The following NTM variants were observed in gnomAD, a reference collection of about 807,000 sequenced individuals.
NTM encodes IgLON family member 2.
NTM carries 13 observed loss-of-function variants against 42.1 expected under a neutral mutation model. That is an observed-to-expected ratio of 0.31 (90% CI 0.20 to 0.49). NTM has a LOEUF of 0.49. NTM is among the 20% of genes least tolerant of loss of function. The pLI is 0.99. For synonymous variants in NTM, 187 were observed against 179.2 expected (o/e 1.04, Z -0.35); for missense variants, 373 against 452.8 (o/e 0.82, Z 1.60).
intron 2 of NTM, among the ~76,000 whole-genome samples, chr11:132,049,373 C>A (rs2078515424): frequency 6.6e-6 from 1 of 152,150 alleles, no homozygotes; most frequent in South Asian, 2.1e-4. Context: ...ATGGGGCTGG[C>A]CGCACCTGAG....
At chr11:131,658,557 A>G (rs2067513406) in intron 1 of NTM, among the ~76,000 whole-genome samples, 1 of 152,208 alleles carries the variant, frequency 6.6e-6, no homozygotes, top group Admixed American at 6.5e-5. Context: ...CGAGGACGGC[A>G]TGCCTTGCTC....
intron 1 of NTM, among the ~76,000 whole-genome samples, chr11:131,899,529 G>A (rs952881672): frequency 6.6e-6 from 1 of 152,158 alleles, no homozygotes; most frequent in African/African-American, 2.4e-5. Context: ...CATTAGAAAG[G>A]TCACACTGGG....
chr11:131,557,317 T>C (rs1370680189), intron 1 of NTM, among the ~76,000 whole-genome samples: 1 of 152,116 alleles, frequency 6.6e-6, no homozygotes. Flanking sequence ...CAGAAAGCAA[T>C]GGCCTTCACC....
intron 1 of NTM, among the ~76,000 whole-genome samples, chr11:131,557,288 G>GA (rs2055572953): frequency 6.6e-6 from 1 of 152,024 alleles, no homozygotes; most frequent in African/African-American, 2.4e-5. Context: ...TCAGAGGAAT[G>GA]AAAAAACAGA....
intron 7 of NTM, among the ~76,000 whole-genome samples, chr11:132,319,406 A>G (rs1407228299): frequency 2.0e-5 from 3 of 152,174 alleles, no homozygotes; most frequent in Non-Finnish European, 4.4e-5. Context: ...TGGAAAATCG[A>G]GTCACTCCCA....
chr11:132,199,859 G>A (rs751181692), intron 3 of NTM, among the ~76,000 whole-genome samples: 63 of 150,958 alleles, frequency 4.2e-4, no homozygotes, highest in African/African-American at 1.0e-3. Context: ...AACTGGTTGC[G>A]TCCCTCCAAT....
intron 1 of NTM, among the ~76,000 whole-genome samples, chr11:131,845,906 C>T (rs2044843888): frequency 6.6e-6 from 1 of 152,070 alleles, no homozygotes; most frequent in African/African-American, 2.4e-5. Flanking sequence ...CAAGGCAGTT[C>T]TAGATAAATA....
chr11:132,135,499 G>T (rs944136447), intron 2 of NTM, among the ~76,000 whole-genome samples: 1 of 152,250 alleles, frequency 6.6e-6, no homozygotes, highest in Non-Finnish European at 1.5e-5. Flanking sequence ...ACAGGCAGAA[G>T]GTGTAAGGGA....
chr11:131,833,700 A>G (rs1323520371), intron 1 of NTM, among the ~76,000 whole-genome samples: 1 of 152,166 alleles, frequency 6.6e-6, no homozygotes. Flanking sequence ...CGTGTTTTCC[A>G]TTAGGCCCTG....
At chr11:132,108,179 G>T (rs1291439260) in intron 2 of NTM, among the ~76,000 whole-genome samples, 2 of 151,974 alleles carry the variant, frequency 1.3e-5, no homozygotes, top group Non-Finnish European at 2.9e-5. Context: ...ACATTTTGTT[G>T]AGTGAACTTC....
intron 2 of NTM, among the ~76,000 whole-genome samples, chr11:132,105,363 A>G (rs941642641): frequency 3.9e-5 from 6 of 152,156 alleles, no homozygotes; most frequent in African/African-American, 1.2e-4. Context: ...TTATTAATAT[A>G]GTAGTACTGT....
intron 1 of NTM, among the ~76,000 whole-genome samples, chr11:131,736,304 C>A (rs983891056): frequency 3.9e-5 from 6 of 152,202 alleles, no homozygotes; most frequent in Non-Finnish European, 8.8e-5. Context: ...AGTCACAGCT[C>A]TCCTTCACAC....
chr11:132,182,336 C>T (rs2077699563), intron 3 of NTM, among the ~76,000 whole-genome samples: 1 of 152,150 alleles, frequency 6.6e-6, no homozygotes, highest in Non-Finnish European at 1.5e-5. Context: ...CAGTGATGTA[C>T]TAGCTAAGGT....
chr11:131,632,962 C>T (rs760735301), intron 1 of NTM, among the ~76,000 whole-genome samples: 2 of 146,944 alleles, frequency 1.4e-5, no homozygotes, highest in South Asian at 2.1e-4. Context: ...CGTGAGCCAC[C>T]GCGCCACTCG....
chr11:131,417,192 C>G (rs950329797), intron 1 of NTM, among the ~76,000 whole-genome samples: 1 of 152,148 alleles, frequency 6.6e-6, no homozygotes, highest in African/African-American at 2.4e-5. Flanking sequence ...TGATCAAATA[C>G]CATTTGTTTC....
chr11:131,960,261 C>T (rs1015986906), intron 2 of NTM, among the ~76,000 whole-genome samples: 1 of 152,190 alleles, frequency 6.6e-6, no homozygotes, highest in Non-Finnish European at 1.5e-5. Context: ...CCAGGTAAGA[C>T]CTCCGTCCAT....
intron 2 of NTM, among the ~76,000 whole-genome samples, chr11:132,109,335 C>T (rs1238821724): frequency 1.3e-5 from 2 of 152,076 alleles, no homozygotes; most frequent in African/African-American, 2.4e-5. Flanking sequence ...AAAAGCATTC[C>T]CATTTCTCTA....
At chr11:132,289,317 G>T (rs1565396119) in intron 4 of NTM, among the ~76,000 whole-genome samples, 2 of 152,196 alleles carry the variant, frequency 1.3e-5, no homozygotes, top group Admixed American at 6.5e-5. Flanking sequence ...TACAGGCAGA[G>T]TTCACCAACT....
chr11:131,801,806 C>A (rs73595151), intron 1 of NTM, among the ~76,000 whole-genome samples: 1 of 152,022 alleles, frequency 6.6e-6, no homozygotes, highest in Non-Finnish European at 1.5e-5. Flanking sequence ...CACGTTCTGA[C>A]GTCCTGTCCT....
Sources: gnomAD v4.1 joint callset for allele counts (sites outside exome capture counted in the v4.1 genomes callset) on GRCh38, gnomAD v4.1.1 for gene constraint, MANE v1.5 for transcripts, NCBI Gene and HGNC (gene_info 2026-07-23, HGNC 2026-07-21) for gene names.